The following DIS3L2 variants were observed in gnomAD, a reference collection of about 807,000 sequenced individuals.
The protein encoded by DIS3L2 is DIS3 like 3'-5' exoribonuclease 2, also known as DIS3-like exonuclease 2.
A neutral mutation model predicts 97.5 loss-of-function variants in DIS3L2; 34 were observed. The observed-to-expected ratio is 0.35, with a 90% CI of 0.27 to 0.46. DIS3L2 has a LOEUF of 0.46. Among genes scored for constraint, DIS3L2 ranks in the 20% least tolerant of loss-of-function variants. The pLI is 1.00. For missense variants in DIS3L2, 1,038 were observed against 1,146.0 expected (o/e 0.91, Z 1.36); for synonymous variants, 435 against 445.2 (o/e 0.98, Z 0.29).
chr2:232,315,779 A>T (rs1003384674), intron 14 of DIS3L2, among the ~76,000 whole-genome samples: 1 of 152,162 alleles, frequency 6.6e-6, no homozygotes, highest in Non-Finnish European at 1.5e-5. Flanking sequence ...CGCCCAGCTC[A>T]TGCCCACTGA....
chr2:231,962,380 C>G (rs1692586128), intron 1 of DIS3L2, among the ~76,000 whole-genome samples: 1 of 150,990 alleles, frequency 6.6e-6, no homozygotes. Flanking sequence ...GGTAGTTTTT[C>G]AACCCACATC....
chr2:232,322,487 T>TG (rs766920979), intron 14 of DIS3L2, among the ~76,000 whole-genome samples: 1 of 152,196 alleles, frequency 6.6e-6, no homozygotes, highest in Non-Finnish European at 1.5e-5. Context: ...CCCCATGCAC[T>TG]GGGTGTGGGG....
At chr2:232,213,851 G>T (rs765219872) in intron 10 of DIS3L2, among the ~76,000 whole-genome samples, 59 of 151,930 alleles carry the variant, frequency 3.9e-4, no homozygotes, top group Non-Finnish European at 7.8e-4. Context: ...ACACTCCAGT[G>T]ATCAATTCAG....
intron 14 of DIS3L2, among the ~76,000 whole-genome samples, chr2:232,300,386 G>A (rs1256368243): frequency 6.6e-6 from 1 of 152,160 alleles, no homozygotes; most frequent in African/African-American, 2.4e-5. Context: ...GGCTGCAGAT[G>A]TCCCCCAGAC....
At chr2:232,191,502 T>G (rs1259748662) in intron 9 of DIS3L2, among the ~76,000 whole-genome samples, 2 of 152,182 alleles carry the variant, frequency 1.3e-5, no homozygotes, top group East Asian at 3.9e-4. Context: ...TAGAAAGTAA[T>G]CCTTAAAAAA....
At chr2:232,118,751 A>G (rs1484362119) in intron 6 of DIS3L2, among the ~76,000 whole-genome samples, 1 of 152,238 alleles carries the variant, frequency 6.6e-6, no homozygotes, top group Non-Finnish European at 1.5e-5. Flanking sequence ...ATGTCTATGT[A>G]ACCTGGCTGG....
intron 8 of DIS3L2, among the ~76,000 whole-genome samples, chr2:232,157,843 C>T (rs2106372090): frequency 6.6e-6 from 1 of 152,298 alleles, no homozygotes; most frequent in East Asian, 1.9e-4. Context: ...TGCTTTGTTC[C>T]TATGTCCCTT....
intron 9 of DIS3L2, among the ~76,000 whole-genome samples, chr2:232,208,757 G>A (rs149856141): frequency 3.9e-4 from 59 of 152,222 alleles, no homozygotes; most frequent in African/African-American, 1.3e-3. Context: ...GTTGGGCATC[G>A]TAGCTCACAC....
chr2:231,962,343 C>G (rs1196709302), intron 1 of DIS3L2, among the ~76,000 whole-genome samples: 1 of 151,780 alleles, frequency 6.6e-6, no homozygotes, highest in Non-Finnish European at 1.5e-5. Context: ...GTATATTGCA[C>G]CCAGGTATTG....
At chr2:232,111,209 A>G (rs1278307486) in intron 6 of DIS3L2, 1 of 471,198 alleles carries the variant, frequency 2.1e-6, no homozygotes, top group Non-Finnish European at 4.4e-6. Flanking sequence ...AATGAAATTG[A>G]GGCTCAGAGA....
At chr2:232,126,983 A>G (rs1175563571) in intron 6 of DIS3L2, among the ~76,000 whole-genome samples, 1 of 152,124 alleles carries the variant, frequency 6.6e-6, no homozygotes, top group Admixed American at 6.6e-5. Context: ...TATATCCTTC[A>G]AGGCTCAACT....
At chr2:232,135,201 G>C (rs1004952757) in intron 7 of DIS3L2, among the ~76,000 whole-genome samples, 14 of 152,274 alleles carry the variant, frequency 9.2e-5, no homozygotes, top group Non-Finnish European at 1.0e-4. Flanking sequence ...CACCTGGATG[G>C]ACGTGGGAGG....
At chr2:232,066,839 TTCTTCTTGTA>T (rs1005636814) in intron 5 of DIS3L2, among the ~76,000 whole-genome samples, 59 of 152,178 alleles carry the variant, frequency 3.9e-4, no homozygotes, top group African/African-American at 1.4e-3. Context: ...ATTTTTCTGT[TTCTTCTTGTA>T]TCTGTCTTGG....
chr2:232,184,438 T>C (rs1227420638), intron 9 of DIS3L2, among the ~76,000 whole-genome samples: 1 of 152,052 alleles, frequency 6.6e-6, no homozygotes, highest in East Asian at 1.9e-4. Context: ...ATTGATTGAG[T>C]CCAGGAGTTC....
chr2:232,163,065 A>G lies in DIS3L2; in HGVS notation c.951-394A>G, dbSNP rs552387569. On this transcript the variant is annotated intron_variant, in intron 8 of 20. Coordinates refer to ENST00000325385, the MANE Select transcript of DIS3L2 (RefSeq NM_152383.5). The stretch of plus-strand genomic sequence containing the variant: ...AAAACTGGTAGAGTTGTGAAATAGG[A>G]ACATCAGAATTAATCTAGTAAGCAT... Among the ~76,000 whole-genome samples the G allele has an allele frequency of 2.0e-5, 3 of 152,324 alleles. No individual in the cohort carries two copies. The East Asian group carries it at 5.8e-4, about 29-fold the overall frequency.
In DIS3L2 at chr2:232,280,444, A is replaced by G. The variant is rs1694252887; in HGVS notation, c.1659+17004A>G. 2.0e-5 allele frequency among the ~76,000 whole-genome samples: 3 copies of G among 152,378 alleles called. No individual in the cohort carries two copies. The South Asian group carries it at 6.2e-4, about 32-fold the overall frequency. ...CTTCTAACTGTTGCACAAAGTTGAA[A>G]TGAAGAATGGTGCCAAACACAGGAC... On this transcript the variant is annotated intron_variant, in intron 13 of 20. Transcript: ENST00000325385.
intron 8 of DIS3L2, among the ~76,000 whole-genome samples, chr2:232,142,719 C>G (rs3899700): frequency 6.6e-6 from 1 of 152,140 alleles, no homozygotes; most frequent in African/African-American, 2.4e-5. Context: ...TGTCATAGTA[C>G]TGAGCCATAA....
intron 1 of DIS3L2, among the ~76,000 whole-genome samples, chr2:232,012,527 C>T (rs1481325889): frequency 6.6e-6 from 1 of 152,138 alleles, no homozygotes; most frequent in Non-Finnish European, 1.5e-5. Context: ...AGTTTGCTCT[C>T]GACTCCTCGC....
chr2:232,332,824 C>T (rs2106351351), intron 16 of DIS3L2, among the ~76,000 whole-genome samples: 1 of 152,304 alleles, frequency 6.6e-6, no homozygotes, highest in East Asian at 1.9e-4. Context: ...AGCGTGGCTT[C>T]AGCTGGGCGG....
Sources: gnomAD v4.1 joint callset for allele counts (sites outside exome capture counted in the v4.1 genomes callset) on GRCh38, gnomAD v4.1.1 for gene constraint, MANE v1.5 for transcripts, NCBI Gene and HGNC (gene_info 2026-07-23, HGNC 2026-07-21) for gene names.